The following COL23A1 variants were observed in gnomAD, a reference collection of about 807,000 sequenced individuals.
COL23A1 encodes collagen alpha-1(XXIII) chain.
Under a neutral mutation model 99.3 loss-of-function variants are expected in COL23A1, and 97 were observed. The observed-to-expected ratio is 0.98, with a 90% CI of 0.83 to 1.16. The LOEUF is 1.16. COL23A1 is among the 50% of genes most tolerant of loss of function. The probability of loss-of-function intolerance (pLI) is 0.00; values close to 1 mark genes in which losing one functional copy is unlikely to be tolerated. For missense variants in COL23A1, 762 were observed against 757.4 expected, an observed-to-expected ratio of 1.01 and a Z score of -0.07; for synonymous variants, 320 against 308.2, an observed-to-expected ratio of 1.04 and a Z score of -0.40.
chr5:178,412,452 A>G (rs1370737275), intron 2 of COL23A1, among the ~76,000 whole-genome samples: 1 of 152,238 alleles, frequency 6.6e-6, no homozygotes, highest in Non-Finnish European at 1.5e-5. Flanking sequence ...ACAAATTTAC[A>G]GTTCTCCAAT....
intron 2 of COL23A1, among the ~76,000 whole-genome samples, chr5:178,524,735 C>T (rs529229071): frequency 3.2e-4 from 49 of 152,288 alleles, no homozygotes; most frequent in African/African-American, 1.1e-3. Flanking sequence ...CCTCCTATGC[C>T]CCTGAAGCAG....
chr5:178,451,014 A>G lies in COL23A1; in HGVS notation c.361+109668T>C, dbSNP rs752671257. 2.1e-4 allele frequency among the ~76,000 whole-genome samples: 32 copies of G among 152,364 alleles called. No homozygotes were observed. In the Middle Eastern group the frequency reaches 0.014, roughly 65 times the overall value. ...GGTTAATTCTCAGCACAAATAGAATAAAGAATTATAGGTCTCTATGTTATT... is the reference window on the plus strand; with the variant it reads ...GGTTAATTCTCAGCACAAATAGAATGAAGAATTATAGGTCTCTATGTTATT... On this transcript the variant is annotated intron_variant, in intron 2 of 28. Coordinates refer to ENST00000390654, the MANE Select transcript of COL23A1 (RefSeq NM_173465.4).
At chr5:178,587,415 C>G (rs574146557) in intron 1 of COL23A1, among the ~76,000 whole-genome samples, 1 of 152,274 alleles carries the variant, frequency 6.6e-6, no homozygotes, top group South Asian at 2.1e-4. Context: ...CCCAAGGGAA[C>G]AAAGAGAGTG....
chr5:178,293,553 G>T (rs550594414), intron 3 of COL23A1, among the ~76,000 whole-genome samples: 2 of 152,136 alleles, frequency 1.3e-5, no homozygotes, highest in Admixed American at 6.5e-5. Context: ...AAAGGGCCAC[G>T]GGGGCTGGGG....
chr5:178,261,633 T>G (rs1454018351), intron 11 of COL23A1, 89 bp downstream of exon 11: 84 of 840,408 alleles, frequency 1.0e-4, no homozygotes, highest in Non-Finnish European at 1.3e-4. Context: ...TCACTAGGGG[T>G]GGGGGGAAGA....
chr5:178,254,892 T>A, intron 16 of COL23A1, 57 bp downstream of exon 16: 1 of 1,459,564 alleles, frequency 6.9e-7, no homozygotes, highest in Non-Finnish European at 9.6e-7. Context: ...AGGGAGTGAT[T>A]ATTCCCTAAG....
intron 2 of COL23A1, among the ~76,000 whole-genome samples, chr5:178,374,873 C>T (rs1256654209): frequency 6.6e-6 from 1 of 152,170 alleles, no homozygotes; most frequent in East Asian, 1.9e-4. Flanking sequence ...CTCCTCGAGG[C>T]ATCAGGAGTC....
intron 11 of COL23A1, among the ~76,000 whole-genome samples, chr5:178,260,753 C>T (rs1765580916): frequency 1.3e-5 from 2 of 152,112 alleles, no homozygotes; most frequent in Admixed American, 1.3e-4. Flanking sequence ...GAGATTGTGC[C>T]ATTGCACTCC....
intron 11 of COL23A1, among the ~76,000 whole-genome samples, chr5:178,261,401 G>A (rs1242182924): frequency 4.6e-5 from 7 of 151,784 alleles, no homozygotes; most frequent in Admixed American, 4.6e-4. Flanking sequence ...GCGACAGTGA[G>A]ACTCTGCCTC....
intron 2 of COL23A1, among the ~76,000 whole-genome samples, chr5:178,534,000 A>C (rs1022985885): frequency 6.6e-6 from 1 of 152,054 alleles, no homozygotes; most frequent in Non-Finnish European, 1.5e-5. Context: ...CCTTCCTTCA[A>C]ATCACTCTCA....
intron 1 of COL23A1, among the ~76,000 whole-genome samples, chr5:178,580,091 G>A (rs182388887): frequency 2.1e-4 from 32 of 152,148 alleles, no homozygotes; most frequent in African/African-American, 7.2e-4. Flanking sequence ...ACTTTGGGAG[G>A]CCAAGGCGGG....
rs191076760 is a variant in COL23A1, at chr5:178,365,742, G to A, written c.362-58823C>T. Among the ~76,000 whole-genome samples the A allele has an allele frequency of 5.6e-3, 852 of 152,160 alleles. 5 individuals carry two copies. The highest frequency in any genetic ancestry group is 6.8e-3 in the Non-Finnish European group (464 of 67,992). Reference sequence around the variant, plus strand: ...TGGAAAGCCATGTCTTGTTCTCCACGCCCAGTTCTGATGTCACCTTTCTCA... The same window carrying A: ...TGGAAAGCCATGTCTTGTTCTCCACACCCAGTTCTGATGTCACCTTTCTCA... On this transcript the variant is annotated intron_variant, in intron 2 of 28. Transcript: ENST00000390654. The surrounding 1 kb of genome is among the most constrained non-coding windows in gnomAD (Gnocchi z 5.2).
Position 178,428,117 on chromosome 5 carries a change from T to C in COL23A1, c.362-121198A>G, listed in dbSNP as rs900432428. Among the ~76,000 whole-genome samples, 1 of 152,130 alleles carries C rather than the reference T, an allele frequency of 6.6e-6. No individual in the cohort carries two copies. Among genetic ancestry groups the C allele is most frequent in the East Asian group, 1.9e-4 (1 of 5,184 alleles). ...AGCCTTTCCAGCAATGAGGGTATCATCAAAAGCCCACATCTATGCTCACTG... is the reference window on the plus strand; with the variant it reads ...AGCCTTTCCAGCAATGAGGGTATCACCAAAAGCCCACATCTATGCTCACTG... On this transcript the variant is annotated intron_variant, in intron 2 of 28. Transcript: ENST00000390654. The surrounding 1 kb of genome is among the most constrained non-coding windows in gnomAD (Gnocchi z 5.0).
At chr5:178,339,482 GA>G (rs1263950567) in intron 2 of COL23A1, among the ~76,000 whole-genome samples, 4 of 152,216 alleles carry the variant, frequency 2.6e-5, no homozygotes. Flanking sequence ...TACAGCCTCA[GA>G]TCCTGCACTG....
chr5:178,515,955 G>A (rs1361245065), intron 2 of COL23A1, among the ~76,000 whole-genome samples: 4 of 151,944 alleles, frequency 2.6e-5, no homozygotes, highest in African/African-American at 9.7e-5. Context: ...AGACGCCTCT[G>A]CACGCCCTTC....
At chr5:178,305,295 G>A (rs748407174) in intron 3 of COL23A1, among the ~76,000 whole-genome samples, 3 of 122,136 alleles carry the variant, frequency 2.5e-5, no homozygotes, top group South Asian at 2.5e-4. Flanking sequence ...GGGTCTCTGC[G>A]TAAGGAACTC....
intron 2 of COL23A1, among the ~76,000 whole-genome samples, chr5:178,482,857 G>A (rs543439384): frequency 6.6e-6 from 1 of 152,118 alleles, no homozygotes; most frequent in Non-Finnish European, 1.5e-5. Flanking sequence ...AGCAGAGATC[G>A]CGCCACTGCA....
At chr5:178,456,784 GA>G (rs11335238) in intron 2 of COL23A1, among the ~76,000 whole-genome samples, 2,051 of 152,266 alleles carry the variant, frequency 0.013, 48 homozygotes, top group African/African-American at 0.044. Context: ...GACAAAGTGA[GA>G]AAAATTTTTG....
At chr5:178,467,520 TG>T (rs1756484394) in intron 2 of COL23A1, among the ~76,000 whole-genome samples, 1 of 152,106 alleles carries the variant, frequency 6.6e-6, no homozygotes, top group African/African-American at 2.4e-5. Context: ...CTATGTGTGT[TG>T]TCTTGTTTAG....
Sources: gnomAD v4.1 joint callset for allele counts (sites outside exome capture counted in the v4.1 genomes callset) on GRCh38, gnomAD v4.1.1 for gene constraint, Gnocchi (gnomAD v3.1) non-coding constraint, MANE v1.5 for transcripts, NCBI Gene and HGNC (gene_info 2026-07-23, HGNC 2026-07-21) for gene names.